The following C2orf49 variants were observed in gnomAD, a reference collection of about 807,000 sequenced individuals.
C2orf49 encodes the protein tRNA splicing ligase complex subunit 2, also known as tRNA-splicing ligase complex subunit ASW.
C2orf49 carries 11 observed loss-of-function variants against 20.6 expected under a neutral mutation model. The observed-to-expected ratio is 0.53, with a 90% CI of 0.34 to 0.88. C2orf49 has a LOEUF of 0.88. C2orf49 is among the 40% of genes least tolerant of loss of function. C2orf49 has a pLI of 0.02. For missense variants in C2orf49, 289 were observed against 274.2 expected, an observed-to-expected ratio of 1.05 and a Z score of -0.38; for synonymous variants, 134 against 108.5, an observed-to-expected ratio of 1.24 and a Z score of -1.46.
At chr2:105,369,501 T>TG in the C2orf49 span, among the ~76,000 whole-genome samples, 1 of 152,122 alleles carries the variant, frequency 6.6e-6, no homozygotes, top group African/African-American at 2.4e-5. Context: ...GGGTGTGTGT[T>TG]GGGGGGCAAT....
At chr2:105,367,352 G>T in the C2orf49 span, among the ~76,000 whole-genome samples, 1 of 152,172 alleles carries the variant, frequency 6.6e-6, no homozygotes, top group African/African-American at 2.4e-5. Flanking sequence ...AGGGTTAAAC[G>T]ATTTGATCAC....
the C2orf49 span, among the ~76,000 whole-genome samples, chr2:105,381,657 C>A: frequency 6.6e-6 from 1 of 152,158 alleles, no homozygotes; most frequent in Non-Finnish European, 1.5e-5. Context: ...TAGGACCCTG[C>A]TTGATTAAAT....
At chr2:105,373,194 A>G in the C2orf49 span, among the ~76,000 whole-genome samples, 1 of 152,240 alleles carries the variant, frequency 6.6e-6, no homozygotes. Context: ...TTGGTGAAAT[A>G]ACTGAATGAG....
the C2orf49 span, chr2:105,367,737 T>A: frequency 6.2e-7 from 1 of 1,613,418 alleles, no homozygotes; most frequent in Non-Finnish European, 8.5e-7. Context: ...ATCTTGCGGG[T>A]ACCTGTCATC....
the C2orf49 span, among the ~76,000 whole-genome samples, chr2:105,357,293 T>C: frequency 6.6e-6 from 1 of 152,214 alleles, no homozygotes; most frequent in Non-Finnish European, 1.5e-5. Context: ...TTGTTCCGTC[T>C]TCAAGTTCAC....
the C2orf49 span, chr2:105,367,502 C>T: frequency 1.0e-5 from 15 of 1,484,346 alleles, no homozygotes; most frequent in Non-Finnish European, 1.4e-5. Context: ...GGAAAGAGAA[C>T]TGACAGACAT....
the C2orf49 span, chr2:105,358,641 AT>A: frequency 6.6e-6 from 1 of 152,084 alleles, no homozygotes; most frequent in Non-Finnish European, 1.5e-5. Context: ...ATGAATGTTT[AT>A]TTGTTGTATG....
At chr2:105,373,414 CTAAA>C in the C2orf49 span, 1 of 805,004 alleles carries the variant, frequency 1.2e-6, no homozygotes, top group Non-Finnish European at 2.1e-6. Flanking sequence ...CGTAAGTACT[CTAAA>C]TACTCCTCTG....
the C2orf49 span, among the ~76,000 whole-genome samples, chr2:105,385,658 C>T: frequency 1.3e-5 from 2 of 152,158 alleles, no homozygotes; most frequent in African/African-American, 4.8e-5. Context: ...TCAGAGAGTT[C>T]AGAGCTATGG....
chr2:105,380,756 C>T, the C2orf49 span, among the ~76,000 whole-genome samples: 13 of 152,092 alleles, frequency 8.5e-5, no homozygotes, highest in Admixed American at 2.6e-4. Context: ...TTTTAAATTC[C>T]TCTAGAGAGA....
downstream of C2orf49, among the ~76,000 whole-genome samples, chr2:105,353,452 G>C (rs1679984439): frequency 6.6e-6 from 1 of 151,800 alleles, no homozygotes; most frequent in Non-Finnish European, 1.5e-5. Flanking sequence ...CATACATTTT[G>C]GCATGTATGT....
the C2orf49 span, among the ~76,000 whole-genome samples, chr2:105,354,601 G>C: frequency 6.6e-6 from 1 of 151,982 alleles, no homozygotes; most frequent in Non-Finnish European, 1.5e-5. Flanking sequence ...TGGAGGCAGA[G>C]GTTGCAGTGA....
At chr2:105,355,284 T>TA in the C2orf49 span, among the ~76,000 whole-genome samples, 3 of 152,020 alleles carry the variant, frequency 2.0e-5, no homozygotes, top group Non-Finnish European at 4.4e-5. Flanking sequence ...CATACAGACT[T>TA]GTAGCTAAGA....
At chr2:105,373,827 A>C in the C2orf49 span, 1 of 1,337,188 alleles carries the variant, frequency 7.5e-7, no homozygotes, top group Non-Finnish European at 1.1e-6. Context: ...AGGGCAAACA[A>C]GGAAAGAAGT....
At chr2:105,349,403 G>A (rs1473769665), downstream of C2orf49, among the ~76,000 whole-genome samples, 1 of 152,136 alleles carries the variant, frequency 6.6e-6, no homozygotes, top group African/African-American at 2.4e-5. Context: ...CTTCTACTTT[G>A]TACTTAACAC....
At chr2:105,368,378 CTGGAGTGCAG>C in the C2orf49 span, among the ~76,000 whole-genome samples, 1 of 152,258 alleles carries the variant, frequency 6.6e-6, no homozygotes, top group Admixed American at 6.5e-5. Context: ...GTCACCCAGG[CTGGAGTGCAG>C]TGGTGCGATC....
intron 1 of C2orf49, among the ~76,000 whole-genome samples, chr2:105,337,961 C>G (rs902378848): frequency 2.0e-5 from 3 of 152,162 alleles, no homozygotes; most frequent in Non-Finnish European, 4.4e-5. Flanking sequence ...GGCGACACCC[C>G]CTGCCTGTGT....
downstream of C2orf49, among the ~76,000 whole-genome samples, chr2:105,351,313 GCCC>G (rs376749614): frequency 1.0e-3 from 36 of 36,076 alleles, 2 homozygotes; most frequent in African/African-American, 1.8e-3. Flanking sequence ...TGCCCACCGC[GCCC>G]CCCCCCCCCC....
downstream of C2orf49, among the ~76,000 whole-genome samples, chr2:105,351,388 A>G (rs1384221421): frequency 7.3e-6 from 1 of 136,424 alleles, no homozygotes; most frequent in Non-Finnish European, 1.5e-5. Flanking sequence ...GAACAAACTC[A>G]CTTAAGGAAT....
Sources: gnomAD v4.1 joint callset for allele counts (sites outside exome capture counted in the v4.1 genomes callset) on GRCh38, gnomAD v4.1.1 for gene constraint, MANE v1.5 for transcripts, NCBI Gene and HGNC (gene_info 2026-07-23, HGNC 2026-07-21) for gene names.